BRWD3: variants seen among roughly 807,000 people sequenced by gnomAD.
BRWD3 encodes the protein bromodomain and WD repeat domain containing 3.
A neutral mutation model predicts 149.7 loss-of-function variants in BRWD3; 10 were observed. The ratio of observed to expected loss-of-function variants is 0.07; its 90% CI spans 0.04 to 0.11. BRWD3 has a LOEUF of 0.11. Ranked by LOEUF, BRWD3 falls within the 10% of genes least tolerant of loss-of-function variation. The pLI, the probability that BRWD3 is intolerant of heterozygous loss-of-function variation, is 1.00. For missense variants in BRWD3, 940 were observed against 1,373.2 expected (o/e 0.68, Z 4.99); for synonymous variants, 504 against 456.7 (o/e 1.10, Z -1.32).
intron 25 of BRWD3, among the ~76,000 whole-genome samples, chrX:80,699,424 C>T (rs2072748788): frequency 9.1e-6 from 1 of 110,095 alleles, no homozygotes; most frequent in African/African-American, 3.3e-5. Flanking sequence ...TGCATGTGTG[C>T]ATATATATAT....
At chrX:80,777,437 G>C (rs769916308) in intron 6 of BRWD3, among the ~76,000 whole-genome samples, 4 of 111,166 alleles carry the variant, frequency 3.6e-5, no homozygotes, top group South Asian at 7.6e-4. Flanking sequence ...CTGTCACCCT[G>C]ACTGTAGTGC....
intron 20 of BRWD3, among the ~76,000 whole-genome samples, chrX:80,714,280 T>C (rs1318969271): frequency 2.1e-5 from 2 of 95,465 alleles, no homozygotes; most frequent in African/African-American, 7.9e-5. Flanking sequence ...CAGGCTAGAA[T>C]GCAATGGCGT....
chrX:80,686,969 C>A lies in BRWD3; in HGVS notation c.3899G>T (p.Cys1300Phe), dbSNP rs764579901. The A allele has an allele frequency of 4.1e-5, 50 of 1,207,369 alleles. No individual in the cohort carries two copies. Among genetic ancestry groups the A allele is most frequent in the Non-Finnish European group, 5.6e-5 (50 of 893,692 alleles). The change falls in exon 35 of 41, where the codon TGT becomes TTT. Residue 1300 changes from cysteine (C) to phenylalanine (F), a missense_variant. Cys to Phe is a radical substitution (Grantham distance 205, BLOSUM62 -2). Around this residue, in one of 6 missense-constraint regions of BRWD3, gnomAD observed 349 missense variants for 419.6 expected, o/e 0.83. Transcript: ENST00000373275. ...KCRGRRQSLK[C>F]NPDAWKKQCK... ...TTGTTTTTTCCAAGCATCAGGATTA[C>A]ACTTTAAAGACTGTCTTCTGCCTCG...
chrX:80,809,102 T>C (rs1339953312), intron 2 of BRWD3, 60 bp from the exon 3 acceptor site: 9 of 1,160,145 alleles, frequency 7.8e-6, no homozygotes, highest in Non-Finnish European at 1.0e-5. Flanking sequence ...CATTCCTCCC[T>C]CCACACTTAA....
At chrX:80,731,369 G>T (rs1009647825) in intron 12 of BRWD3, among the ~76,000 whole-genome samples, 3 of 111,305 alleles carry the variant, frequency 2.7e-5, no homozygotes, top group African/African-American at 9.8e-5. Flanking sequence ...AAAAATTTAG[G>T]TTCTTCCATC....
At chrX:80,688,991 A>G (rs933200417) in intron 33 of BRWD3, among the ~76,000 whole-genome samples, 2 of 3,839 alleles carry the variant, frequency 5.2e-4, no homozygotes, top group African/African-American at 5.5e-4. Flanking sequence ...TTCATGAAAA[A>G]AATAAAAAAA....
intron 4 of BRWD3, among the ~76,000 whole-genome samples, chrX:80,805,673 T>C (rs1371848992): frequency 1.8e-5 from 2 of 112,388 alleles, no homozygotes; most frequent in African/African-American, 6.5e-5. Context: ...CGGTGGCTCA[T>C]GCCTGTAATC....
intron 3 of BRWD3, 25 bp downstream of exon 3, chrX:80,808,988 C>G (rs755273389): frequency 1.7e-6 from 2 of 1,194,876 alleles, no homozygotes; most frequent in Non-Finnish European, 2.3e-6. Flanking sequence ...CAACCCTCCC[C>G]ACCCTTCCCG....
chrX:80,779,894 C>T (rs1446689898), intron 6 of BRWD3, among the ~76,000 whole-genome samples: 3 of 111,359 alleles, frequency 2.7e-5, no homozygotes, highest in Non-Finnish European at 5.7e-5. Flanking sequence ...ACTTAAATAA[C>T]ACTAATAAGT....
At chrX:80,800,268 T>A (rs76154204) in intron 4 of BRWD3, among the ~76,000 whole-genome samples, 2 of 104,439 alleles carry the variant, frequency 1.9e-5, no homozygotes, top group Non-Finnish European at 2.0e-5. Context: ...TTTTTTTTTT[T>A]AATGAAAAAC....
intron 6 of BRWD3, among the ~76,000 whole-genome samples, chrX:80,759,228 G>A (rs1226268725): frequency 8.9e-6 from 1 of 112,112 alleles, no homozygotes; most frequent in African/African-American, 3.2e-5. Context: ...ACTATCTTCT[G>A]AAAGTGCACA....
chrX:80,776,777 C>T (rs1266179813), intron 6 of BRWD3, among the ~76,000 whole-genome samples: 1 of 111,305 alleles, frequency 9.0e-6, no homozygotes, highest in African/African-American at 3.3e-5. Context: ...AGGGAGATAC[C>T]CAGTTCCTAA....
At chrX:80,727,476 C>T (rs1315317473) in intron 14 of BRWD3, among the ~76,000 whole-genome samples, 1 of 110,790 alleles carries the variant, frequency 9.0e-6, no homozygotes, top group Admixed American at 9.7e-5. Context: ...TCCTATCTAC[C>T]TCAGGACCTT....
At chrX:80,719,955 A>G (rs924554870) in intron 17 of BRWD3, among the ~76,000 whole-genome samples, 6 of 111,370 alleles carry the variant, frequency 5.4e-5, no homozygotes, top group Non-Finnish European at 1.1e-4. Context: ...CGGTAGTCTC[A>G]TAAGATCATA....
chrX:80,779,048 T>C (rs1291774646), intron 6 of BRWD3, among the ~76,000 whole-genome samples: 2 of 111,493 alleles, frequency 1.8e-5, no homozygotes, highest in Non-Finnish European at 3.8e-5. Context: ...GCATGGTGGC[T>C]CATGCCTGTA....
intron 6 of BRWD3, among the ~76,000 whole-genome samples, chrX:80,755,938 A>G (rs2073731335): frequency 8.9e-6 from 1 of 111,958 alleles, no homozygotes; most frequent in African/African-American, 3.2e-5. Context: ...AGAGAAATGA[A>G]GCCAACTGCT....
intron 4 of BRWD3, among the ~76,000 whole-genome samples, chrX:80,796,679 A>T (rs1183754994): frequency 2.7e-5 from 3 of 112,075 alleles, no homozygotes; most frequent in Admixed American, 9.6e-5. Flanking sequence ...TGCAACTGTC[A>T]TGATGCTCCG....
At chrX:80,703,247 A>C (rs1187677934) in intron 24 of BRWD3, among the ~76,000 whole-genome samples, 2 of 111,276 alleles carry the variant, frequency 1.8e-5, no homozygotes, top group Non-Finnish European at 3.8e-5. Flanking sequence ...TGATTAATTT[A>C]TCTCAATATT....
intron 12 of BRWD3, among the ~76,000 whole-genome samples, chrX:80,730,447 A>AAGACAGAC (rs779397700): frequency 1.3e-4 from 14 of 108,551 alleles, no homozygotes; most frequent in Non-Finnish European, 2.5e-4. Flanking sequence ...GAAAGAAAGA[A>AAGACAGAC]AGACACAGTT....
Sources: gnomAD v4.1 joint callset for allele counts (sites outside exome capture counted in the v4.1 genomes callset) on GRCh38, gnomAD v4.1.1 for gene constraint, gnomAD v4.1.1 regional missense constraint, MANE v1.5 for transcripts, NCBI Gene and HGNC (gene_info 2026-07-23, HGNC 2026-07-21) for gene names.